CCDC7: variants seen among roughly 807,000 people sequenced by gnomAD.
CCDC7 encodes coiled-coil domain containing 7.
CCDC7 carries 183 observed loss-of-function variants against 196.9 expected under a neutral mutation model. That is an observed-to-expected ratio of 0.93 (90% CI 0.82 to 1.05). The LOEUF (loss-of-function observed/expected upper bound fraction) is 1.05. Ranked by LOEUF, CCDC7 falls within the 50% of genes least tolerant of loss-of-function variation. CCDC7 has a pLI of 0.00. For synonymous variants in CCDC7, 525 were observed against 484.6 expected (o/e 1.08, Z -1.10); for missense variants, 1,540 against 1,482.2 (o/e 1.04, Z -0.64).
At chr10:32,688,930 T>G in intron 22 of CCDC7, 123 bp from the exon 24 acceptor site, 3 of 658,380 alleles carry the variant, frequency 4.6e-6, no homozygotes, top group Non-Finnish European at 8.1e-6. Context: ...AGCATTATGG[T>G]AATTTATTCA....
intron 28 of CCDC7, among the ~76,000 whole-genome samples, chr10:32,766,884 A>G (rs2078397301): frequency 6.6e-6 from 1 of 152,072 alleles, no homozygotes; most frequent in African/African-American, 2.4e-5. Context: ...TTTCAGCAAT[A>G]TGAGGTTAAA....
intron 16 of CCDC7, among the ~76,000 whole-genome samples, chr10:32,578,433 C>T (rs917639094): frequency 3.3e-5 from 5 of 151,254 alleles, no homozygotes; most frequent in Non-Finnish European, 7.4e-5. Context: ...AATTATACAA[C>T]TCACCTTAAT....
intron 20 of CCDC7, among the ~76,000 whole-genome samples, chr10:32,650,062 A>G (rs1470393154): frequency 6.6e-6 from 1 of 152,156 alleles, no homozygotes; most frequent in African/African-American, 2.4e-5. Flanking sequence ...TAGTGGGCTC[A>G]TTTGGAGGCA....
chr10:32,484,088 G>C lies in CCDC7; in HGVS notation c.797-7834G>C, dbSNP rs574723273. 2.9e-3 allele frequency among the ~76,000 whole-genome samples: 446 copies of C among 152,308 alleles called. 3 individuals carry two copies. Among genetic ancestry groups the C allele is most frequent in the Non-Finnish European group, 4.8e-3 (328 of 68,032 alleles). On this transcript the variant is annotated intron_variant, in intron 8 of 41. Coordinates refer to ENST00000639629, the Ensembl canonical transcript of CCDC7. ...TTGAATCTATAAATTACCTTGGGCA[G>C]TATGGCCATTTTCACAATATTGATT... is the stretch of plus-strand genomic sequence containing the variant.
chr10:32,725,354 G>T lies in CCDC7; in HGVS notation c.2570-1380G>T, dbSNP rs780313279. 1.3e-5 allele frequency: 6 copies of T among 470,728 alleles called. No homozygotes were observed. The East Asian group carries it at 3.5e-4, about 27-fold the overall frequency. 29.2% of individuals were successfully genotyped at this position (470,728 alleles called of 1,614,324 possible). ...GAATTTCATGATTTCTTTGCAGTCT[G>T]CCCCCAACACTCTTGCCCAAGACTG... On this transcript the variant is annotated intron_variant, in intron 25 of 41. Coordinates refer to ENST00000639629, the Ensembl canonical transcript of CCDC7.
chr10:32,478,581 T>G (rs1462224236), intron 8 of CCDC7, among the ~76,000 whole-genome samples: 2 of 152,158 alleles, frequency 1.3e-5, no homozygotes, highest in Non-Finnish European at 2.9e-5. Flanking sequence ...TCATATGATT[T>G]TTCTTCTTTA....
At chr10:32,655,684 G>A (rs996553298) in intron 20 of CCDC7, among the ~76,000 whole-genome samples, 12 of 152,102 alleles carry the variant, frequency 7.9e-5, no homozygotes, top group Non-Finnish European at 1.6e-4. Flanking sequence ...TGCCACCCAA[G>A]TAGTGCGTGC....
At chr10:32,837,744 C>T (rs550103325) in intron 33 of CCDC7, among the ~76,000 whole-genome samples, 1 of 152,084 alleles carries the variant, frequency 6.6e-6, no homozygotes, top group South Asian at 2.1e-4. Context: ...ACCATGCAGC[C>T]ATAAAAAATG....
intron 16 of CCDC7, among the ~76,000 whole-genome samples, chr10:32,579,912 C>G (rs72795556): frequency 0.086 from 13,026 of 151,924 alleles, 874 homozygotes; most frequent in South Asian, 0.25. Context: ...CTCTGTTTTT[C>G]AAAAGCTGTA....
chr10:32,774,431 C>T (rs1435296248), intron 28 of CCDC7, among the ~76,000 whole-genome samples: 4 of 152,114 alleles, frequency 2.6e-5, no homozygotes, highest in Non-Finnish European at 5.9e-5. Context: ...CTCCAATTTC[C>T]TCCTCCCACA....
At chr10:32,565,654 C>T (rs1383839350) in intron 14 of CCDC7, 34 bp downstream of exon 15, 1 of 1,586,228 alleles carries the variant, frequency 6.3e-7, no homozygotes, top group African/African-American at 1.4e-5. Flanking sequence ...ACATTGTTAA[C>T]AAGTAAAGAA....
chr10:32,482,869 A>G (rs12572405), intron 8 of CCDC7, among the ~76,000 whole-genome samples: 20,946 of 152,094 alleles, frequency 0.14, 1,739 homozygotes, highest in East Asian at 0.25. Context: ...TGGTGTATAC[A>G]TGCCACATTT....
intron 28 of CCDC7, among the ~76,000 whole-genome samples, chr10:32,734,047 C>A (rs1173969498): frequency 2.0e-5 from 3 of 152,120 alleles, no homozygotes; most frequent in Non-Finnish European, 2.9e-5. Flanking sequence ...AAAAGCAGAA[C>A]TACCATTCAA....
At chr10:32,864,744 C>T (rs1379211184) in intron 41 of CCDC7, among the ~76,000 whole-genome samples, 1 of 151,634 alleles carries the variant, frequency 6.6e-6, no homozygotes, top group African/African-American at 2.4e-5. Flanking sequence ...TAGAAAGAAA[C>T]ATAGGAAATC....
intron 20 of CCDC7, among the ~76,000 whole-genome samples, chr10:32,654,363 C>G (rs1328552527): frequency 6.6e-6 from 1 of 152,020 alleles, no homozygotes; most frequent in African/African-American, 2.4e-5. Flanking sequence ...TGTGTATTGG[C>G]TATTTTCTTG....
At chr10:32,763,986 G>A (rs1207152989) in intron 28 of CCDC7, among the ~76,000 whole-genome samples, 1 of 151,864 alleles carries the variant, frequency 6.6e-6, no homozygotes, top group Non-Finnish European at 1.5e-5. Flanking sequence ...AAAGGGATAT[G>A]TGAGGTGATA....
chr10:32,850,794 CACACACA>C lies in CCDC7; in HGVS notation c.3896-1012_3896-1006del, dbSNP rs1164715758. 6.2e-4 allele frequency among the ~76,000 whole-genome samples: 89 copies of C among 144,182 alleles called. 3 individuals carry two copies. Among genetic ancestry groups the C allele is most frequent in the Admixed American group, 6.1e-3 (89 of 14,560 alleles). The allele number at this position is 144,182 out of a possible 152,430, so 94.6% of individuals were successfully genotyped here. On this transcript the variant is annotated intron_variant, in intron 39 of 41. Transcript: ENST00000639629. Reference sequence around the variant, plus strand: ...CTGACAACACACACACACACACACACACACACACACACACACACACACACAGAGACAT... The same window carrying C: ...CTGACAACACACACACACACACACACCACACACACACACACACAGAGACAT...
intron 28 of CCDC7, among the ~76,000 whole-genome samples, chr10:32,750,613 A>G (rs1248018997): frequency 2.0e-5 from 3 of 152,144 alleles, no homozygotes; most frequent in Non-Finnish European, 4.4e-5. Context: ...CCTCCCTCTG[A>G]TCTCCTGCCA....
At chr10:32,474,334 G>A (rs112215428) in intron 8 of CCDC7, among the ~76,000 whole-genome samples, 108 of 140,474 alleles carry the variant, frequency 7.7e-4, no homozygotes, top group South Asian at 2.1e-3. Context: ...AGTGATTCTC[G>A]TCCCTCAGCC....
Sources: gnomAD v4.1 joint callset for allele counts (sites outside exome capture counted in the v4.1 genomes callset) on GRCh38, gnomAD v4.1.1 for gene constraint, MANE v1.5 for transcripts, NCBI Gene and HGNC (gene_info 2026-07-23, HGNC 2026-07-21) for gene names.